KCNIP1: variants seen among roughly 807,000 people sequenced by gnomAD.
The protein encoded by KCNIP1 is A-type potassium channel modulatory protein KCNIP1.
In KCNIP1, 18 loss-of-function variants were observed where a neutral mutation model predicts 33.0. The ratio of observed to expected loss-of-function variants is 0.55; its 90% CI spans 0.38 to 0.81. The LOEUF (loss-of-function observed/expected upper bound fraction) is 0.81, where lower values mean the gene tolerates loss of function less well. KCNIP1 is among the 30% of genes least tolerant of loss of function. KCNIP1 has a pLI of 0.00. For missense variants in KCNIP1, 238 were observed against 271.6 expected, an observed-to-expected ratio of 0.88 and a Z score of 0.87; for synonymous variants, 93 against 98.3, an observed-to-expected ratio of 0.95 and a Z score of 0.32.
chr5:170,450,251 T>C (rs1033039158), intron 1 of KCNIP1, among the ~76,000 whole-genome samples: 1 of 152,084 alleles, frequency 6.6e-6, no homozygotes, highest in Non-Finnish European at 1.5e-5. Context: ...CTGCTGACTC[T>C]TTACAGCACC....
chr5:170,607,910 G>A (rs1758993184), intron 1 of KCNIP1, among the ~76,000 whole-genome samples: 1 of 152,302 alleles, frequency 6.6e-6, no homozygotes, highest in Non-Finnish European at 1.5e-5. Flanking sequence ...AATCTACATG[G>A]CTTGCCAATA....
intron 1 of KCNIP1, among the ~76,000 whole-genome samples, chr5:170,405,341 C>T (rs1453676523): frequency 6.6e-6 from 1 of 152,042 alleles, no homozygotes; most frequent in East Asian, 1.9e-4. Context: ...ACTGCAGGCA[C>T]CACCACCATG....
chr5:170,573,837 A>G (rs1212862577), intron 1 of KCNIP1, among the ~76,000 whole-genome samples: 1 of 152,238 alleles, frequency 6.6e-6, no homozygotes, highest in African/African-American at 2.4e-5. Context: ...AATATTTACT[A>G]TATGGGCCAA....
At chr5:170,606,681 C>T (rs1758932690) in intron 1 of KCNIP1, among the ~76,000 whole-genome samples, 1 of 152,142 alleles carries the variant, frequency 6.6e-6, no homozygotes, top group South Asian at 2.1e-4. Flanking sequence ...CATGTGCGAC[C>T]TCATCCGATC....
chr5:170,636,167 G>A (rs1463276492), intron 1 of KCNIP1, among the ~76,000 whole-genome samples: 1 of 152,226 alleles, frequency 6.6e-6, no homozygotes, highest in African/African-American at 2.4e-5. Context: ...GAAGTCAGCT[G>A]GAAATAGGAG....
chr5:170,601,911 G>C (rs1758710086), intron 1 of KCNIP1, among the ~76,000 whole-genome samples: 1 of 152,188 alleles, frequency 6.6e-6, no homozygotes, highest in South Asian at 2.1e-4. Context: ...AATGGGGAAT[G>C]GAGCAGGCAG....
intron 1 of KCNIP1, among the ~76,000 whole-genome samples, chr5:170,551,983 C>T (rs978730303): frequency 2.0e-5 from 3 of 149,744 alleles, no homozygotes; most frequent in East Asian, 2.0e-4. Context: ...AGTGTGTGAG[C>T]GTGTGTTGTG....
At chr5:170,686,979 G>A (rs998549720) in intron 1 of KCNIP1, among the ~76,000 whole-genome samples, 2 of 151,088 alleles carry the variant, frequency 1.3e-5, no homozygotes, top group African/African-American at 4.9e-5. Context: ...CCTGATCCAC[G>A]GTACTCCTCC....
At chr5:170,706,892 A>T (rs1471072834) in intron 1 of KCNIP1, among the ~76,000 whole-genome samples, 1 of 152,028 alleles carries the variant, frequency 6.6e-6, no homozygotes, top group Non-Finnish European at 1.5e-5. Context: ...AATATTGTAG[A>T]CCCACTCACC....
intron 1 of KCNIP1, among the ~76,000 whole-genome samples, chr5:170,555,809 G>A (rs533813224): frequency 1.4e-4 from 21 of 152,310 alleles, no homozygotes; most frequent in African/African-American, 3.4e-4. Flanking sequence ...AGGCAGCCTC[G>A]GGAATGGTGA....
intron 1 of KCNIP1, among the ~76,000 whole-genome samples, chr5:170,418,867 C>G (rs189160712): frequency 6.6e-6 from 1 of 152,322 alleles, no homozygotes; most frequent in East Asian, 1.9e-4. Flanking sequence ...GCTTTCTTGC[C>G]CTCAAGTAAC....
At chr5:170,431,906 C>T (rs1755750655) in intron 1 of KCNIP1, among the ~76,000 whole-genome samples, 1 of 152,226 alleles carries the variant, frequency 6.6e-6, no homozygotes, top group African/African-American at 2.4e-5. Context: ...TGCTGTCCCC[C>T]AGGACATTCC....
At chr5:170,442,326 C>G (rs577153380) in intron 1 of KCNIP1, among the ~76,000 whole-genome samples, 1 of 152,304 alleles carries the variant, frequency 6.6e-6, no homozygotes, top group East Asian at 1.9e-4. Context: ...CTCAGGGGCC[C>G]AGTGGCCCTG....
intron 1 of KCNIP1, among the ~76,000 whole-genome samples, chr5:170,552,706 C>T (rs1032361049): frequency 7.9e-5 from 12 of 152,280 alleles, no homozygotes; most frequent in South Asian, 2.1e-4. Context: ...TTGGGGCCAG[C>T]GAAGGAAGTG....
intron 1 of KCNIP1, among the ~76,000 whole-genome samples, chr5:170,595,248 G>C (rs756402129): frequency 6.6e-6 from 1 of 152,238 alleles, no homozygotes; most frequent in Admixed American, 6.5e-5. Context: ...AGGGGAAGCA[G>C]TGATAAAACC....
intron 1 of KCNIP1, among the ~76,000 whole-genome samples, chr5:170,511,673 A>G (rs1010178496): frequency 3.9e-5 from 6 of 152,334 alleles, no homozygotes; most frequent in Middle Eastern, 3.4e-3. Context: ...GTGTTATTTT[A>G]TTAACCCCAA....
chr5:170,686,647 C>T (rs527464453), intron 1 of KCNIP1, among the ~76,000 whole-genome samples: 5 of 152,304 alleles, frequency 3.3e-5, no homozygotes, highest in East Asian at 1.9e-4. Context: ...CAGCTGACCC[C>T]GGCCTGTGAG....
chr5:170,648,411 A>G (rs991158480), intron 1 of KCNIP1, among the ~76,000 whole-genome samples: 20 of 152,226 alleles, frequency 1.3e-4, no homozygotes, highest in Non-Finnish European at 2.5e-4. Context: ...GGTTAAATAA[A>G]TGATGGTGCA....
chr5:170,423,799 C>T (rs982258948), intron 1 of KCNIP1, among the ~76,000 whole-genome samples: 60 of 152,322 alleles, frequency 3.9e-4, no homozygotes, highest in African/African-American at 1.4e-3. Context: ...CTCACCCCCT[C>T]CCCTCCACAG....
Sources: gnomAD v4.1 joint callset for allele counts (sites outside exome capture counted in the v4.1 genomes callset) on GRCh38, gnomAD v4.1.1 for gene constraint, MANE v1.5 for transcripts, NCBI Gene and HGNC (gene_info 2026-07-23, HGNC 2026-07-21) for gene names.